SCMH1: variants seen among roughly 807,000 people sequenced by gnomAD.
SCMH1 encodes the protein Scm polycomb group protein homolog 1, also known as polycomb protein SCMH1.
A neutral mutation model predicts 70.8 loss-of-function variants in SCMH1; 37 were observed. The observed-to-expected ratio is 0.52, with a 90% confidence interval of 0.40 to 0.69. The LOEUF (loss-of-function observed/expected upper bound fraction) is 0.69. Ranked by LOEUF, SCMH1 falls within the 30% of genes least tolerant of loss-of-function variation. SCMH1 has a pLI of 0.00. For synonymous variants in SCMH1, 292 were observed against 307.4 expected (o/e 0.95, Z 0.52); for missense variants, 607 against 827.3 (o/e 0.73, Z 3.27).
At chr1:41,172,531 T>G (rs1176059210) in intron 2 of SCMH1, among the ~76,000 whole-genome samples, 1 of 151,986 alleles carries the variant, frequency 6.6e-6, no homozygotes, top group Non-Finnish European at 1.5e-5. Flanking sequence ...ATAGATTCAA[T>G]GCAATCCCTA....
At position 41,149,619 on chromosome 1, in the gene SCMH1, C is replaced by T. The variant is rs146222613; in HGVS notation, c.177+1995G>A. On this transcript the variant is annotated intron_variant, in intron 5 of 14. Coordinates refer to ENST00000337495, the Ensembl canonical transcript of SCMH1. ...ATAAATCTTCTTGGGCTTTGTTCCTCGATGCAGTTAAGTTATTTGTGAAGT... is the reference window on the plus strand; with the variant it reads ...ATAAATCTTCTTGGGCTTTGTTCCTTGATGCAGTTAAGTTATTTGTGAAGT... Among the ~76,000 whole-genome samples the T allele has an allele frequency of 1.1e-4, 16 of 152,172 alleles. No individual in the cohort carries two copies. In the East Asian group the frequency reaches 1.5e-3, roughly 15 times the overall value.
At chr1:41,115,584 C>T (rs1350685823) in intron 7 of SCMH1, among the ~76,000 whole-genome samples, 7 of 152,176 alleles carry the variant, frequency 4.6e-5, no homozygotes, top group South Asian at 4.1e-4. Flanking sequence ...ACTACAGGCA[C>T]GTGCCACCAC....
intron 1 of SCMH1, among the ~76,000 whole-genome samples, chr1:41,200,423 T>G (rs1171193555): frequency 6.6e-6 from 1 of 151,684 alleles, no homozygotes; most frequent in East Asian, 1.9e-4. Flanking sequence ...GAGCTTGCAG[T>G]GAGCTGAGAC....
chr1:41,135,848 A>T (rs1643218795), intron 6 of SCMH1, among the ~76,000 whole-genome samples: 1 of 152,150 alleles, frequency 6.6e-6, no homozygotes, highest in African/African-American at 2.4e-5. Flanking sequence ...ACTAGCACTA[A>T]GACTATCTGC....
intron 1 of SCMH1, among the ~76,000 whole-genome samples, chr1:41,209,561 C>T (rs1656487366): frequency 6.6e-6 from 1 of 152,224 alleles, no homozygotes; most frequent in Admixed American, 6.5e-5. Context: ...GCTGGTTCAA[C>T]ATATGCAAAT....
chr1:41,094,347 T>C (rs1022645536), intron 8 of SCMH1, among the ~76,000 whole-genome samples: 2 of 152,114 alleles, frequency 1.3e-5, no homozygotes, highest in Admixed American at 6.5e-5. Flanking sequence ...TTACTTACCA[T>C]TGCTTTTATA....
chr1:41,046,350 G>A, intron 12 of SCMH1, 57 bp downstream of exon 12: 2 of 1,499,194 alleles, frequency 1.3e-6, no homozygotes, highest in Non-Finnish European at 1.8e-6. Flanking sequence ...GGCCCCTGCA[G>A]GTGCTGCTGC....
chr1:41,210,253 G>C (rs990240614), intron 1 of SCMH1, among the ~76,000 whole-genome samples: 1 of 144,124 alleles, frequency 6.9e-6, no homozygotes, highest in Non-Finnish European at 1.6e-5. Context: ...TGGATAGGAA[G>C]AATCAATATC....
intron 1 of SCMH1, among the ~76,000 whole-genome samples, chr1:41,192,495 G>GACAC (rs55940657): frequency 0.11 from 15,740 of 148,662 alleles, 1,136 homozygotes; most frequent in East Asian, 0.25. Context: ...TTAAATAGGA[G>GACAC]ACACACACAC....
intron 6 of SCMH1, among the ~76,000 whole-genome samples, chr1:41,135,404 G>T (rs996925349): frequency 1.3e-5 from 2 of 152,138 alleles, no homozygotes; most frequent in African/African-American, 4.8e-5. Flanking sequence ...TTTCCCCTAT[G>T]CTATTCTCAT....
At chr1:41,197,270 T>C (rs1653254480) in intron 1 of SCMH1, among the ~76,000 whole-genome samples, 1 of 152,174 alleles carries the variant, frequency 6.6e-6, no homozygotes, top group Non-Finnish European at 1.5e-5. Flanking sequence ...TGATTCACAA[T>C]AGCCAAAAGT....
intron 5 of SCMH1, among the ~76,000 whole-genome samples, chr1:41,150,136 T>C (rs368001246): frequency 6.6e-6 from 1 of 152,308 alleles, no homozygotes; most frequent in Admixed American, 6.5e-5. Flanking sequence ...TAGAAAATCA[T>C]AGAGGTAGCT....
At chr1:41,105,806 T>C (rs927758394) in intron 8 of SCMH1, among the ~76,000 whole-genome samples, 1 of 152,146 alleles carries the variant, frequency 6.6e-6, no homozygotes, top group Non-Finnish European at 1.5e-5. Context: ...CGTCCTTTCA[T>C]TGTTGCCAAA....
intron 1 of SCMH1, among the ~76,000 whole-genome samples, chr1:41,240,545 A>G (rs915451892): frequency 6.6e-6 from 1 of 150,988 alleles, no homozygotes; most frequent in African/African-American, 2.4e-5. Context: ...CTAGGTCTCA[A>G]TCCTTTTCAG....
Position 41,046,722 on chromosome 1 carries a change from C to G in SCMH1, c.1307-124G>C, listed in dbSNP as rs779454035. The stretch of plus-strand genomic sequence containing the variant: ...GGTTACACAAAGGGAATCAGTGCCC[C>G]ACGTTTCCTCCCTCCCTCCCTTTAA... On this transcript the variant is annotated intron_variant, in intron 11 of 14. Coordinates refer to ENST00000337495, the Ensembl canonical transcript of SCMH1. 4.1e-6 allele frequency: 3 copies of G among 734,464 alleles called. No individual in the cohort carries two copies. The African/African-American group carries it at 5.2e-5, about 13-fold the overall frequency. The allele number at this position is 734,464 out of a possible 1,614,324, so 45.5% of individuals were successfully genotyped here.
intron 12 of SCMH1, among the ~76,000 whole-genome samples, chr1:41,037,749 ATTCT>A (rs755630138): frequency 3.3e-5 from 5 of 152,164 alleles, no homozygotes; most frequent in Admixed American, 2.0e-4. Context: ...CTCTTTAGAA[ATTCT>A]TTCTCTTAGA....
chr1:41,143,302 G>C (rs576546104), intron 5 of SCMH1, among the ~76,000 whole-genome samples, 190 bp from the exon 6 acceptor site: 19 of 152,184 alleles, frequency 1.2e-4, no homozygotes, highest in Middle Eastern at 3.4e-3. Flanking sequence ...TTCCAACGAA[G>C]CATCAAATAG....
intron 6 of SCMH1, 37 bp from the exon 7 acceptor site, chr1:41,117,047 G>T: frequency 6.4e-7 from 1 of 1,563,638 alleles, no homozygotes; most frequent in African/African-American, 1.4e-5. Flanking sequence ...TTAAAAGTAT[G>T]TTTCAAAAAT....
chr1:41,219,230 C>A (rs1658728993), intron 1 of SCMH1, among the ~76,000 whole-genome samples: 1 of 152,224 alleles, frequency 6.6e-6, no homozygotes, highest in South Asian at 2.1e-4. Flanking sequence ...TTGAGATTCT[C>A]CCAGGCCTCA....
Sources: allele counts gnomAD v4.1 joint callset (sites outside exome capture counted in the v4.1 genomes callset), GRCh38; gene constraint gnomAD v4.1.1; transcripts MANE v1.5; gene names NCBI Gene and HGNC (gene_info 2026-07-23, HGNC 2026-07-21).